SDCCAG8: variants seen among roughly 807,000 people sequenced by gnomAD.
SDCCAG8 encodes serologically defined colon cancer antigen 8.
In SDCCAG8, 74 loss-of-function variants were observed where a neutral mutation model predicts 101.8. That is an observed-to-expected ratio of 0.73 (90% CI 0.60 to 0.88). The LOEUF (loss-of-function observed/expected upper bound fraction) is 0.88. SDCCAG8 is among the 40% of genes least tolerant of loss of function. The pLI is 0.00. For synonymous variants in SDCCAG8, 281 were observed against 292.9 expected, an observed-to-expected ratio of 0.96 and a Z score of 0.41; for missense variants, 787 against 822.6, an observed-to-expected ratio of 0.96 and a Z score of 0.53.
At chr1:243,483,498 C>G (rs1040649632) in intron 16 of SDCCAG8, among the ~76,000 whole-genome samples, 2 of 152,166 alleles carry the variant, frequency 1.3e-5, no homozygotes, top group Non-Finnish European at 2.9e-5. Flanking sequence ...CGTCCTCTGC[C>G]GTGAAGATTG....
chr1:243,315,252 A>G (rs1317451621), intron 8 of SDCCAG8, among the ~76,000 whole-genome samples: 1 of 152,136 alleles, frequency 6.6e-6, no homozygotes, highest in Non-Finnish European at 1.5e-5. Context: ...CTTTTACGTT[A>G]TAGAACTTTT....
intron 16 of SDCCAG8, among the ~76,000 whole-genome samples, chr1:243,435,581 C>A (rs892016743): frequency 4.6e-5 from 7 of 152,132 alleles, no homozygotes; most frequent in East Asian, 1.9e-4. Flanking sequence ...TAAATTGACT[C>A]TTGTGAGTTA....
rs1312906675 is a variant in SDCCAG8 at position 243,369,621 on chromosome 1, T to C, written c.1474-9100T>C. Among the ~76,000 whole-genome samples the C allele has an allele frequency of 2.0e-5, 3 of 152,098 alleles. No individual in the cohort carries two copies. The East Asian group carries it at 5.8e-4, about 29-fold the overall frequency. ...TTGCATCTCTTGAGAGCCATTTACA[T>C]CAAACTCAAGAGCAGAAACAGGGGA... On this transcript the variant is annotated intron_variant, in intron 12 of 17. Coordinates refer to ENST00000366541, the MANE Select transcript of SDCCAG8 (RefSeq NM_006642.5).
intron 16 of SDCCAG8, among the ~76,000 whole-genome samples, chr1:243,457,534 T>G (rs2083856068): frequency 6.6e-6 from 1 of 152,228 alleles, no homozygotes; most frequent in East Asian, 1.9e-4. Context: ...ACTAGCATCA[T>G]GCATTGAGGA....
At chr1:243,271,486 C>G (rs995309866) in intron 3 of SDCCAG8, among the ~76,000 whole-genome samples, 1 of 151,282 alleles carries the variant, frequency 6.6e-6, no homozygotes, top group Non-Finnish European at 1.5e-5. Flanking sequence ...AATTGTAGCC[C>G]TACTTTGTAA....
intron 13 of SDCCAG8, among the ~76,000 whole-genome samples, chr1:243,402,345 G>A (rs1264317966): frequency 2.0e-5 from 3 of 149,930 alleles, no homozygotes; most frequent in Non-Finnish European, 4.4e-5. Context: ...CAGGATAATC[G>A]CTTGAACCCG....
intron 1 of SDCCAG8, chr1:243,269,212 A>G (rs1055405898): frequency 5.3e-5 from 8 of 151,298 alleles, no homozygotes; most frequent in Non-Finnish European, 1.0e-4. Context: ...TATAACTTTT[A>G]TTGCATTCTA....
intron 16 of SDCCAG8, among the ~76,000 whole-genome samples, chr1:243,486,791 C>T (rs1047443686): frequency 2.6e-5 from 4 of 152,246 alleles, no homozygotes; most frequent in Admixed American, 6.5e-5. Flanking sequence ...AATGGCTGCT[C>T]GTGGCACCTT....
rs953492 is a variant in SDCCAG8 at position 243,307,890 on chromosome 1, A to G, written c.741-99A>G. 832,042 of 1,582,574 alleles carry G rather than the reference A, an allele frequency of 0.53. 222,573 individuals carry two copies. The highest frequency in any genetic ancestry group is 0.75 in the East Asian group (33,213 of 44,236). ...ACGTAAACTAAAGCATAAGGTGAGT[A>G]CCCATAAACGATAGTAGTAGTTAAC... is the stretch of plus-strand genomic sequence containing the variant. On this transcript the variant is annotated intron_variant, in intron 7 of 17. Coordinates refer to ENST00000366541, the MANE Select transcript of SDCCAG8 (RefSeq NM_006642.5).
At chr1:243,320,128 C>G (rs1038126805) in intron 9 of SDCCAG8, among the ~76,000 whole-genome samples, 18 of 152,198 alleles carry the variant, frequency 1.2e-4, no homozygotes, top group Non-Finnish European at 2.4e-4. Flanking sequence ...CTAACATGCT[C>G]TGATCAGAAA....
chr1:243,426,547 G>A lies in SDCCAG8; in HGVS notation c.1974G>A (p.Thr658=), dbSNP rs1406874695. The A allele has an allele frequency of 1.9e-5, 30 of 1,613,982 alleles. No homozygotes were observed. The highest frequency in any genetic ancestry group is 2.2e-5 in the South Asian group (2 of 91,080). ...TCCAGCATGGGAGAGTACATGAGAC[G>A]ATGAAGCAAAGGTAATCAAGGTTTC... ...QCVQHGRVHE[T]MKQRLRQLDK... The change falls in exon 16 of 18, where the codon ACG becomes ACA. Residue 658 remains threonine (T), a synonymous_variant. Coordinates refer to ENST00000366541, the MANE Select transcript of SDCCAG8 (RefSeq NM_006642.5).
Position 243,499,868 on chromosome 1 carries a change from C to T in SDCCAG8, c.*83C>T. ...TTTAGACTTAATATGCCACAACGCA[C>T]CACGACCTTCCCAGGGTGACACCGC... On this transcript the variant is annotated 3_prime_UTR_variant, in exon 18 of 18. Coordinates refer to ENST00000366541, the MANE Select transcript of SDCCAG8 (RefSeq NM_006642.5). 2.2e-6 allele frequency: 3 copies of T among 1,334,338 alleles called. No individual in the cohort carries two copies. Among genetic ancestry groups the T allele is most frequent in the African/African-American group, 1.4e-5 (1 of 69,300 alleles). 82.7% of individuals were successfully genotyped at this position (1,334,338 alleles called of 1,614,324 possible). A position where few individuals can be genotyped will look rare whatever the true frequency, so the allele number is the denominator to read the frequency against.
At chr1:243,300,316 C>T (rs2071380536) in intron 6 of SDCCAG8, among the ~76,000 whole-genome samples, 1 of 152,068 alleles carries the variant, frequency 6.6e-6, no homozygotes, top group Non-Finnish European at 1.5e-5. Flanking sequence ...ATAAAATTCT[C>T]AGTTTTTCTC....
chr1:243,364,875 A>AG (rs2076910732), intron 12 of SDCCAG8, among the ~76,000 whole-genome samples: 2 of 152,238 alleles, frequency 1.3e-5, no homozygotes, highest in South Asian at 4.1e-4. Flanking sequence ...GCTTAAAAAA[A>AG]AAGAATAAGT....
intron 17 of SDCCAG8, 98 bp downstream of exon 17, chr1:243,489,238 A>G (rs897101260): frequency 1.4e-6 from 2 of 1,471,694 alleles, no homozygotes; most frequent in South Asian, 1.3e-5. Context: ...CACGGATCAC[A>G]TCGGTTAGCA....
At chr1:243,477,055 TAATC>T (rs1345746898) in intron 16 of SDCCAG8, among the ~76,000 whole-genome samples, 7 of 151,536 alleles carry the variant, frequency 4.6e-5, no homozygotes, top group African/African-American at 1.7e-4. Context: ...CAGGAGAGCG[TAATC>T]AATCAGATGG....
chr1:243,404,676 CA>C (rs982380220), intron 13 of SDCCAG8, among the ~76,000 whole-genome samples: 1 of 152,056 alleles, frequency 6.6e-6, no homozygotes, highest in Non-Finnish European at 1.5e-5. Flanking sequence ...AGTTCTCAAT[CA>C]AACTCTAAAA....
chr1:243,329,649 T>C (rs1236523818), intron 9 of SDCCAG8, among the ~76,000 whole-genome samples: 9 of 152,188 alleles, frequency 5.9e-5, no homozygotes, highest in Admixed American at 5.9e-4. Context: ...TACCTTACTT[T>C]TATTAGGATT....
chr1:243,401,103 A>G (rs946062330), intron 13 of SDCCAG8, among the ~76,000 whole-genome samples: 1 of 152,172 alleles, frequency 6.6e-6, no homozygotes, highest in Non-Finnish European at 1.5e-5. Flanking sequence ...GAGGTTTTCT[A>G]TAAATAACCA....
Sources: allele counts gnomAD v4.1 joint callset (sites outside exome capture counted in the v4.1 genomes callset), GRCh38; gene constraint gnomAD v4.1.1; transcripts MANE v1.5; gene names NCBI Gene and HGNC (gene_info 2026-07-23, HGNC 2026-07-21).